Variants in OTOG observed in about 807,000 individuals in gnomAD.
The protein encoded by OTOG is otogelin.
OTOG carries 296 observed loss-of-function variants against 313.8 expected under a neutral mutation model. That is an observed-to-expected ratio of 0.94 (90% CI 0.86 to 1.04). The LOEUF (loss-of-function observed/expected upper bound fraction) is 1.04. OTOG is among the 50% of genes least tolerant of loss of function. OTOG has a pLI of 0.00. For synonymous variants in OTOG, 1,533 were observed against 1,554.9 expected (o/e 0.99, Z 0.33); for missense variants, 3,948 against 3,840.1 (o/e 1.03, Z -0.74).
intron 24 of OTOG, among the ~76,000 whole-genome samples, chr11:17,588,458 G>C (rs1303168069): frequency 6.6e-6 from 1 of 152,166 alleles, no homozygotes; most frequent in South Asian, 2.1e-4. Flanking sequence ...GTCAGGCACA[G>C]TGGGAGTATT....
rs1182393340 is a variant in OTOG, at chr11:17,572,154, C to G, written c.2030C>G (p.Pro677Arg). Residue 677 changes from proline (P) to arginine (R), a missense_variant, in exon 18 of 56, where the codon CCG (proline) becomes CGG (arginine). By Grantham distance (103) the Pro-to-Arg change is moderately radical. Transcript: ENST00000399397. The stretch of plus-strand genomic sequence containing the variant: ...TGGAAAACACTTTCTGCTTGCTCCC[C>G]GCTGGTCTCTGGCTCCCCTCTGGAC... The part of the protein sequence containing the change: ...NSWKTLSACS[P>R]LVSGSPLDPC... The G allele has an allele frequency of 6.5e-7, 1 of 1,550,338 alleles. No homozygotes were observed. Among genetic ancestry groups the G allele is most frequent in the Non-Finnish European group, 8.7e-7 (1 of 1,146,964 alleles).
chr11:17,588,932 C>T (rs961825267), intron 24 of OTOG, among the ~76,000 whole-genome samples: 1 of 152,162 alleles, frequency 6.6e-6, no homozygotes, highest in East Asian at 1.9e-4. Flanking sequence ...AGGGATTTCT[C>T]ATCCATGATC....
At chr11:17,561,000 G>A (rs950776491) in intron 13 of OTOG, 91 bp from the exon 14 acceptor site, 23 of 1,421,998 alleles carry the variant, frequency 1.6e-5, no homozygotes, top group African/African-American at 2.8e-5. Flanking sequence ...TTAGAGATGG[G>A]AAGACTGAGG....
chr11:17,562,052 T>A (rs1281155957), intron 15 of OTOG, among the ~76,000 whole-genome samples: 190 of 130,448 alleles, frequency 1.5e-3, no homozygotes, highest in Middle Eastern at 3.8e-3. Flanking sequence ...AAAAAATATA[T>A]ATATATATAT....
intron 15 of OTOG, 128 bp downstream of exon 15, chr11:17,561,935 G>A: frequency 1.0e-5 from 12 of 1,149,952 alleles, no homozygotes; most frequent in Non-Finnish European, 1.5e-5. Context: ...TTCTCTCTGG[G>A]GAGAAGACTG....
At chr11:17,578,937 C>G (rs1040201924) in intron 23 of OTOG, among the ~76,000 whole-genome samples, 1 of 152,206 alleles carries the variant, frequency 6.6e-6, no homozygotes, top group Non-Finnish European at 1.5e-5. Flanking sequence ...CTGACCAGAG[C>G]CCTCAGGAGG....
chr11:17,636,055 TC>T (rs901405849), intron 47 of OTOG, among the ~76,000 whole-genome samples: 1 of 152,194 alleles, frequency 6.6e-6, no homozygotes, highest in African/African-American at 2.4e-5. Flanking sequence ...CCCTTCAGGG[TC>T]CCTTTCGCCA....
At position 17,635,485 on chromosome 11, in the gene OTOG, A is replaced by G. The variant is rs7948744; in HGVS notation, c.7694-125A>G. ...AGAACGGATCACGTGAGACCATGCG[A>G]TGCTGCCATTAGTTAGCTCCTGCCA... is the stretch of plus-strand genomic sequence containing the variant. On this transcript the variant is annotated intron_variant, in intron 46 of 55. Transcript: ENST00000399397. The G allele has an allele frequency of 0.02, 14,354 of 729,980 alleles. 602 individuals are homozygous for G. Among genetic ancestry groups the G allele is most frequent in the African/African-American group, 0.1 (6,020 of 57,838 alleles). The allele number at this position is 729,980 out of a possible 1,614,324, so 45.2% of individuals were successfully genotyped here. A position where few individuals can be genotyped will look rare whatever the true frequency, so the allele number is the denominator to read the frequency against.
At position 17,593,158 on chromosome 11, in the gene OTOG, C is replaced by T. The variant is rs546419132; in HGVS notation, c.3007-35C>T. On this transcript the variant is annotated intron_variant, in intron 25 of 55. Coordinates refer to ENST00000399397, the MANE Select transcript of OTOG (RefSeq NM_001292063.2). Reference sequence around the variant, plus strand: ...ACCTCTTGGCAGGATCTCCTTTCTCCCTTGTTTTATTGGACTCACTTATTC... The same window carrying T: ...ACCTCTTGGCAGGATCTCCTTTCTCTCTTGTTTTATTGGACTCACTTATTC... The T allele has an allele frequency of 9.1e-6, 14 of 1,536,146 alleles. No individual in the cohort carries two copies. The East Asian group carries it at 1.5e-4, about 16-fold the overall frequency.
rs1426264377 is a variant in OTOG, at chr11:17,633,738, C to A, written c.7131C>A (p.Pro2377=). 7 of 1,550,224 alleles carry A rather than the reference C, an allele frequency of 4.5e-6. No homozygotes were observed. Among genetic ancestry groups the A allele is most frequent in the Non-Finnish European group, 6.1e-6 (7 of 1,146,904 alleles). ...YQACVTACEP[P]KTCQDGILGP... ...CATGTGTGACAGCCTGTGAGCCACCCAAGACATGCCAGGATGGGATACTAG... is the reference window on the plus strand; with the variant it reads ...CATGTGTGACAGCCTGTGAGCCACCAAAGACATGCCAGGATGGGATACTAG... Residue 2377 remains proline (P), a synonymous_variant, in exon 43 of 56, where the codon CCC becomes CCA. Transcript: ENST00000399397.
chr11:17,614,775 T>C (rs1006268088), intron 39 of OTOG, among the ~76,000 whole-genome samples: 2 of 152,262 alleles, frequency 1.3e-5, no homozygotes, highest in African/African-American at 4.8e-5. Flanking sequence ...TACCATAGTT[T>C]ATTTATCCAT....
intron 4 of OTOG, among the ~76,000 whole-genome samples, chr11:17,552,612 TC>T (rs1324068187): frequency 6.6e-6 from 1 of 151,584 alleles, no homozygotes; most frequent in Non-Finnish European, 1.5e-5. Context: ...CCCCCACCTG[TC>T]CTCTCACATC....
At chr11:17,640,885 A>G in intron 50 of OTOG, 28 bp from the exon 51 acceptor site, 2 of 1,549,124 alleles carry the variant, frequency 1.3e-6, no homozygotes, top group Non-Finnish European at 1.7e-6. Flanking sequence ...GCTCTGGATG[A>G]CTGTTGCCGC....
chr11:17,556,206 A>G lies in OTOG; in HGVS notation c.659+309A>G, dbSNP rs553684015. On this transcript the variant is annotated intron_variant, in intron 7 of 55. Transcript: ENST00000399397. Reference sequence around the variant, plus strand: ...AGCATGCTTACTTTTCCCTCCCAAAATCTTCCCAAATGGATCATACACAGT... The same window carrying G: ...AGCATGCTTACTTTTCCCTCCCAAAGTCTTCCCAAATGGATCATACACAGT... Among the ~76,000 whole-genome samples, 3 of 152,176 alleles carry G rather than the reference A, an allele frequency of 2.0e-5. No homozygotes were observed. The South Asian group carries it at 6.2e-4, about 32-fold the overall frequency.
intron 28 of OTOG, among the ~76,000 whole-genome samples, chr11:17,595,352 T>C (rs917009523): frequency 1.3e-5 from 2 of 152,204 alleles, no homozygotes; most frequent in Non-Finnish European, 2.9e-5. Flanking sequence ...AAATGTAGTC[T>C]AAGGAAGGAG....
intron 23 of OTOG, among the ~76,000 whole-genome samples, chr11:17,583,789 T>G (rs1276134154): frequency 6.6e-6 from 1 of 152,176 alleles, no homozygotes; most frequent in Non-Finnish European, 1.5e-5. Flanking sequence ...AAAAAGTTGT[T>G]CTAGGTCTTT....
At chr11:17,613,793 A>G in intron 39 of OTOG, 92 bp downstream of exon 39, 1 of 835,428 alleles carries the variant, frequency 1.2e-6, no homozygotes, top group Non-Finnish European at 1.9e-6. Flanking sequence ...AGGCTGAATC[A>G]TGATTCAGGG....
intron 10 of OTOG, 115 bp downstream of exon 10, chr11:17,558,759 C>G: frequency 8.7e-7 from 1 of 1,145,178 alleles, no homozygotes; most frequent in Non-Finnish European, 1.3e-6. Context: ...TCCCAAGGCT[C>G]TGAAATTCTT....
intron 48 of OTOG, 121 bp downstream of exon 48, chr11:17,638,670 T>C: frequency 6.7e-7 from 1 of 1,493,484 alleles, no homozygotes; most frequent in Non-Finnish European, 9.1e-7. Flanking sequence ...GCAGGGTCTC[T>C]AGAGGAAGCC....
Sources: allele counts gnomAD v4.1 joint callset (sites outside exome capture counted in the v4.1 genomes callset), GRCh38; gene constraint gnomAD v4.1.1; transcripts MANE v1.5; gene names NCBI Gene and HGNC (gene_info 2026-07-23, HGNC 2026-07-21).